The following TMEM117 variants were observed in gnomAD, a reference collection of about 807,000 sequenced individuals.
The protein encoded by TMEM117 is transmembrane protein 117.
In TMEM117, 27 loss-of-function variants were observed where a neutral mutation model predicts 52.4. The observed-to-expected ratio is 0.51, with a 90% CI of 0.38 to 0.71. TMEM117 has a LOEUF of 0.71. Among genes scored for constraint, TMEM117 ranks in the 30% least tolerant of loss-of-function variants. The pLI is 0.00. For missense variants in TMEM117, 556 were observed against 630.5 expected (o/e 0.88, Z 1.26); for synonymous variants, 215 against 206.3 (o/e 1.04, Z -0.36).
chr12:43,894,354 C>G, intron 2 of TMEM117, among the ~76,000 whole-genome samples: 1 of 151,818 alleles, frequency 6.6e-6, no homozygotes, highest in Non-Finnish European at 1.5e-5. Context: ...TTTTTGCATC[C>G]CTAGTGTCAC....
chr12:44,276,996 A>G (rs1472823524), intron 5 of TMEM117, among the ~76,000 whole-genome samples: 1 of 151,814 alleles, frequency 6.6e-6, no homozygotes, highest in Non-Finnish European at 1.5e-5. Context: ...GAGAAATTGC[A>G]TTTAGATATT....
At chr12:44,088,139 TC>T (rs754285482) in intron 3 of TMEM117, among the ~76,000 whole-genome samples, 1 of 152,190 alleles carries the variant, frequency 6.6e-6, no homozygotes, top group Non-Finnish European at 1.5e-5. Flanking sequence ...ACAGCTTAGT[TC>T]TGTTATAAAA....
chr12:44,119,441 T>C (rs137905664), intron 3 of TMEM117, among the ~76,000 whole-genome samples: 3 of 152,192 alleles, frequency 2.0e-5, no homozygotes, highest in Non-Finnish European at 4.4e-5. Context: ...ATGATGCCAT[T>C]TGTTGAAAGT....
At chr12:44,323,428 T>A (rs954291461) in intron 6 of TMEM117, among the ~76,000 whole-genome samples, 1 of 151,438 alleles carries the variant, frequency 6.6e-6, no homozygotes, top group African/African-American at 2.5e-5. Flanking sequence ...TTTATTATTA[T>A]TAGTTAGATG....
In TMEM117 at chr12:43,898,048, GCACACA is replaced by G. The variant is rs113886918; in HGVS notation, c.278-46144_278-46139del. Among the ~76,000 whole-genome samples, 1,170 of 146,868 alleles carry G rather than the reference GCACACA, an allele frequency of 8.0e-3. 13 individuals carry two copies. Among genetic ancestry groups the G allele is most frequent in the African/African-American group, 0.027 (1,054 of 39,188 alleles). ...CATGCGCACACACACACACACGCAC[GCACACA>G]CACACACACACACACACCGATTTCC... On this transcript the variant is annotated intron_variant, in intron 2 of 7. Coordinates refer to ENST00000266534, the MANE Select transcript of TMEM117 (RefSeq NM_032256.3).
chr12:43,892,001 C>G (rs536532179), intron 2 of TMEM117, among the ~76,000 whole-genome samples: 16 of 152,252 alleles, frequency 1.1e-4, no homozygotes, highest in Admixed American at 2.6e-4. Context: ...AAACTGGCCT[C>G]TTTGTCAATA....
intron 3 of TMEM117, among the ~76,000 whole-genome samples, chr12:44,062,465 A>T (rs1244535251): frequency 6.6e-6 from 1 of 152,194 alleles, no homozygotes; most frequent in Non-Finnish European, 1.5e-5. Context: ...ATAGCTCAGT[A>T]TTTTGCCTCC....
At chr12:44,226,927 G>A (rs1328829602) in intron 5 of TMEM117, among the ~76,000 whole-genome samples, 1 of 152,072 alleles carries the variant, frequency 6.6e-6, no homozygotes, top group Admixed American at 6.6e-5. Context: ...TCATATACAT[G>A]TGTAATATAA....
intron 6 of TMEM117, among the ~76,000 whole-genome samples, chr12:44,329,042 A>C (rs1951233219): frequency 6.6e-6 from 1 of 151,898 alleles, no homozygotes; most frequent in Non-Finnish European, 1.5e-5. Context: ...TGGGAGATGG[A>C]CTATCCCACC....
chr12:44,115,037 A>G (rs1265655287), intron 3 of TMEM117, among the ~76,000 whole-genome samples: 1 of 152,214 alleles, frequency 6.6e-6, no homozygotes, highest in African/African-American at 2.4e-5. Context: ...TATCTTTAAG[A>G]GCTGTATACA....
At chr12:44,036,785 A>G (rs983152221) in intron 3 of TMEM117, among the ~76,000 whole-genome samples, 1 of 152,222 alleles carries the variant, frequency 6.6e-6, no homozygotes, top group Admixed American at 6.5e-5. Context: ...ACTTTGTTAC[A>G]TAATGCCAAA....
the TMEM117 span, among the ~76,000 whole-genome samples, chr12:43,824,606 G>A: frequency 6.6e-6 from 1 of 152,126 alleles, no homozygotes; most frequent in Non-Finnish European, 1.5e-5. Context: ...GGCTAGCGTG[G>A]GGCCTTGGAT....
chr12:43,851,629 C>T (rs1437529006), intron 2 of TMEM117, among the ~76,000 whole-genome samples: 1 of 152,036 alleles, frequency 6.6e-6, no homozygotes, highest in Non-Finnish European at 1.5e-5. Flanking sequence ...AATTTTTATT[C>T]CAAAAAGGAA....
chr12:43,888,799 C>T (rs995902876), intron 2 of TMEM117, among the ~76,000 whole-genome samples: 8 of 152,066 alleles, frequency 5.3e-5, no homozygotes, highest in Non-Finnish European at 1.0e-4. Context: ...CCGCCCACCT[C>T]GGCCTCCCAA....
At chr12:43,881,003 A>AC (rs1240686693) in intron 2 of TMEM117, among the ~76,000 whole-genome samples, 1 of 152,238 alleles carries the variant, frequency 6.6e-6, no homozygotes, top group Non-Finnish European at 1.5e-5. Flanking sequence ...AGCTGGTTGA[A>AC]TAGAGAATTC....
At chr12:43,870,163 C>G (rs1045022819) in intron 2 of TMEM117, among the ~76,000 whole-genome samples, 1 of 151,980 alleles carries the variant, frequency 6.6e-6, no homozygotes, top group Admixed American at 6.6e-5. Context: ...TTTATCCAGT[C>G]AGTCATGGGT....
At chr12:43,956,529 A>G (rs1452419534) in intron 3 of TMEM117, among the ~76,000 whole-genome samples, 2 of 149,068 alleles carry the variant, frequency 1.3e-5, no homozygotes, top group African/African-American at 4.9e-5. Context: ...AAAGACGTAC[A>G]TGCAACCAAC....
chr12:44,277,620 T>G (rs751410594), intron 5 of TMEM117, among the ~76,000 whole-genome samples: 1 of 152,112 alleles, frequency 6.6e-6, no homozygotes, highest in Non-Finnish European at 1.5e-5. Flanking sequence ...GTCCCCATTT[T>G]CTTATTGTCT....
At chr12:44,004,227 A>G (rs1410480962) in intron 3 of TMEM117, among the ~76,000 whole-genome samples, 2 of 151,958 alleles carry the variant, frequency 1.3e-5, no homozygotes, top group African/African-American at 4.8e-5. Flanking sequence ...GCTAACAGGG[A>G]TTATAACAGG....
Sources: gnomAD v4.1 joint callset for allele counts (sites outside exome capture counted in the v4.1 genomes callset) on GRCh38, gnomAD v4.1.1 for gene constraint, MANE v1.5 for transcripts, NCBI Gene and HGNC (gene_info 2026-07-23, HGNC 2026-07-21) for gene names.